SLC12A3: variants seen among roughly 807,000 people sequenced by gnomAD.
The protein encoded by SLC12A3 is solute carrier family 12 member 3, also known as Na-Cl cotransporter.
SLC12A3 carries 104 observed loss-of-function variants against 121.0 expected under a neutral mutation model. That is an observed-to-expected ratio of 0.86 (90% CI 0.73 to 1.01). SLC12A3 has a LOEUF of 1.01. Among genes scored for constraint, SLC12A3 ranks in the 50% least tolerant of loss-of-function variants. The probability of loss-of-function intolerance (pLI) is 0.00; values close to 1 mark genes in which losing one functional copy is unlikely to be tolerated. For synonymous variants in SLC12A3, 536 were observed against 533.4 expected (o/e 1.00, Z -0.07); for missense variants, 1,328 against 1,356.3 (o/e 0.98, Z 0.33).
chr16:56,899,706 T>A, intron 23 of SLC12A3, 90 bp downstream of exon 23: 1 of 924,106 alleles, frequency 1.1e-6, no homozygotes, highest in Non-Finnish European at 1.8e-6. Context: ...CTTGGTAGAC[T>A]AGGAGCAAGG....
intron 24 of SLC12A3, 23 bp downstream of exon 24, chr16:56,902,531 G>GCCC: frequency 2.0e-4 from 143 of 714,176 alleles, no homozygotes; most frequent in East Asian, 3.7e-4. Flanking sequence ...GTGGGGGTGG[G>GCCC]AAACGCGACA....
chr16:56,889,159 C>G (rs1483292838), intron 18 of SLC12A3, among the ~76,000 whole-genome samples: 5 of 151,148 alleles, frequency 3.3e-5, no homozygotes, highest in Non-Finnish European at 7.4e-5. Flanking sequence ...AGGGTTGGGG[C>G]CCTGAGACCT....
intron 8 of SLC12A3, among the ~76,000 whole-genome samples, chr16:56,874,737 G>A (rs939743146): frequency 1.2e-4 from 18 of 152,290 alleles, no homozygotes; most frequent in Admixed American, 6.5e-4. Context: ...CCCGGAAGGC[G>A]GAGGTTGCAG....
intron 25 of SLC12A3, chr16:56,906,675 T>C (rs939014478): frequency 6.4e-6 from 3 of 469,566 alleles, no homozygotes; most frequent in Admixed American, 3.1e-5. Context: ...AGCCAAAATA[T>C]ACAAGACCAC....
At chr16:56,894,305 G>A (rs1281471785) in intron 21 of SLC12A3, among the ~76,000 whole-genome samples, 3 of 152,206 alleles carry the variant, frequency 2.0e-5, no homozygotes, top group South Asian at 2.1e-4. Context: ...GCGCCCGGCC[G>A]CCAGCTTGTT....
chr16:56,866,183 G>GC (rs1395391019), intron 1 of SLC12A3, among the ~76,000 whole-genome samples: 1 of 151,840 alleles, frequency 6.6e-6, no homozygotes, highest in East Asian at 1.9e-4. Flanking sequence ...ATGGGGTTTT[G>GC]CCATATTGGC....
intron 25 of SLC12A3, among the ~76,000 whole-genome samples, chr16:56,911,572 A>G (rs2055686108): frequency 6.6e-6 from 1 of 152,052 alleles, no homozygotes; most frequent in African/African-American, 2.4e-5. Flanking sequence ...TGATCTGCCC[A>G]CCTCGGCCTC....
intron 14 of SLC12A3, among the ~76,000 whole-genome samples, chr16:56,884,951 G>A (rs572222143): frequency 2.0e-5 from 3 of 152,302 alleles, no homozygotes; most frequent in African/African-American, 7.2e-5. Context: ...ATTTTTAGTA[G>A]AGACAGGGTT....
At chr16:56,911,307 T>TTTTG (rs10695057) in intron 25 of SLC12A3, among the ~76,000 whole-genome samples, 44,294 of 148,324 alleles carry the variant, frequency 0.3, 6,626 homozygotes, top group Middle Eastern at 0.41. Context: ...TTTTGAGACC[T>TTTTG]TTTGTTTGTT....
intron 21 of SLC12A3, 95 bp downstream of exon 21, chr16:56,893,149 A>G (rs1415497557): frequency 8.7e-6 from 9 of 1,030,580 alleles, no homozygotes; most frequent in East Asian, 2.6e-5. Flanking sequence ...CTCAAAGGGG[A>G]CAGGGGCTCC....
chr16:56,910,144 A>G (rs2055666027), intron 25 of SLC12A3, among the ~76,000 whole-genome samples: 1 of 152,162 alleles, frequency 6.6e-6, no homozygotes, highest in Admixed American at 6.5e-5. Flanking sequence ...GGGCCTCTAT[A>G]TGGTACTCAA....
chr16:56,873,875 C>CCTGCCACCACCACCTG (rs1379648754), intron 8 of SLC12A3, among the ~76,000 whole-genome samples: 1 of 150,468 alleles, frequency 6.6e-6, no homozygotes, highest in African/African-American at 2.4e-5. Flanking sequence ...CCACGCCTAA[C>CCTGCCACCACCACCTG]TAATTTTTGT....
At chr16:56,896,661 G>A (rs560408256) in intron 22 of SLC12A3, among the ~76,000 whole-genome samples, 10 of 152,174 alleles carry the variant, frequency 6.6e-5, no homozygotes, top group African/African-American at 1.2e-4. Context: ...TGAGGCAGGA[G>A]GATCACTGAG....
chr16:56,878,938 T>G, intron 9 of SLC12A3, 135 bp from the exon 10 acceptor site: 1 of 1,058,988 alleles, frequency 9.4e-7, no homozygotes, highest in Non-Finnish European at 1.4e-6. Flanking sequence ...ACCTTCATTG[T>G]CATCATTATC....
In SLC12A3 at chr16:56,879,666, G is replaced by A; in HGVS notation, c.1443+17G>A. On this transcript the variant is annotated intron_variant, in intron 11 of 25. Coordinates refer to ENST00000563236, the MANE Select transcript of SLC12A3 (RefSeq NM_001126108.2). ...GTCTTCCAGGTGAGGCCGCAGAAAG[G>A]GGTCGAGATGACAGGGGGTGGGGAG... is the stretch of plus-strand genomic sequence containing the variant. 6.3e-7 allele frequency: 1 copy of A among 1,589,254 alleles called. No homozygotes were observed. Among genetic ancestry groups the A allele is most frequent in the Non-Finnish European group, 8.6e-7 (1 of 1,160,062 alleles).
In SLC12A3 at chr16:56,867,110, G is replaced by A. The variant is rs768537535; in HGVS notation, c.323G>A (p.Arg108Gln). ...RHLHALAFDS[R>Q]PSHEMTDGLV... ...CTGCATGCCCTGGCCTTTGACAGCC[G>A]GCCCAGCCACGAGATGACTGATGGG... Residue 108 changes from arginine to glutamine, a missense_variant, in exon 2 of 26, where the codon CGG becomes CAG. By Grantham distance (43) the Arg-to-Gln change is conservative. Transcript: ENST00000563236. 214 of 1,613,858 alleles carry A rather than the reference G, an allele frequency of 1.3e-4. No individual in the cohort carries two copies. The highest frequency in any genetic ancestry group is 9.0e-4 in the Admixed American group (54 of 60,004).
chr16:56,902,492 C>T lies in SLC12A3; in HGVS notation c.2840C>T (p.Thr947Met), dbSNP rs753841103. Reference sequence around the variant, plus strand: ...TGGAAGATCTCAGATGAGGAGATTACGAAGAACAGAGTCAAGGTGCAGAGA... The same window carrying T: ...TGGAAGATCTCAGATGAGGAGATTATGAAGAACAGAGTCAAGGTGCAGAGA... The part of the protein sequence containing the change: ...CPWKISDEEI[T>M]KNRVKSLRQV... The change falls in exon 24 of 26, where the codon ACG (threonine) becomes ATG (methionine). Residue 947 changes from threonine to methionine, a missense_variant. Coordinates refer to ENST00000563236, the MANE Select transcript of SLC12A3 (RefSeq NM_001126108.2). 60 of 1,566,640 alleles carry T rather than the reference C, an allele frequency of 3.8e-5. No homozygotes were observed. Among genetic ancestry groups the T allele is most frequent in the South Asian group, 3.2e-4 (29 of 90,082 alleles).
At chr16:56,882,010 C>A (rs59038891) in intron 12 of SLC12A3, among the ~76,000 whole-genome samples, 5,095 of 150,622 alleles carry the variant, frequency 0.034, 312 homozygotes, top group African/African-American at 0.12. Flanking sequence ...GATCACGCCA[C>A]TGCACTCCAG....
At chr16:56,884,287 G>A (rs1675242785) in intron 14 of SLC12A3, 83 bp downstream of exon 14, 1 of 1,443,428 alleles carries the variant, frequency 6.9e-7, no homozygotes, top group South Asian at 1.2e-5. Context: ...CCAGTTGGAG[G>A]GCCCTGAGTC....
Sources: gnomAD v4.1 joint callset for allele counts (sites outside exome capture counted in the v4.1 genomes callset) on GRCh38, gnomAD v4.1.1 for gene constraint, MANE v1.5 for transcripts, NCBI Gene and HGNC (gene_info 2026-07-23, HGNC 2026-07-21) for gene names.